AIG1: variants seen among roughly 807,000 people sequenced by gnomAD.
AIG1 encodes androgen-induced gene 1 protein.
Under a neutral mutation model 31.4 loss-of-function variants are expected in AIG1, and 23 were observed. That is an observed-to-expected ratio of 0.73 (90% CI 0.53 to 1.04). The LOEUF (loss-of-function observed/expected upper bound fraction) is 1.04. Ranked by LOEUF, AIG1 falls within the 50% of genes least tolerant of loss-of-function variation. The pLI is 0.00. For missense variants in AIG1, 274 were observed against 295.0 expected, an observed-to-expected ratio of 0.93 and a Z score of 0.52; for synonymous variants, 100 against 110.5, an observed-to-expected ratio of 0.90 and a Z score of 0.60.
At chr6:143,199,616 C>T (rs1466900077) in intron 3 of AIG1, among the ~76,000 whole-genome samples, 1 of 152,086 alleles carries the variant, frequency 6.6e-6, no homozygotes, top group African/African-American at 2.4e-5. Flanking sequence ...ATTATTTATT[C>T]TGCATGCATA....
intron 3 of AIG1, among the ~76,000 whole-genome samples, chr6:143,196,844 GAAAA>G (rs574672085): frequency 1.3e-5 from 2 of 150,450 alleles, no homozygotes; most frequent in Non-Finnish European, 3.0e-5. Context: ...ATAAAAAAAA[GAAAA>G]AAAAACTCTT....
At chr6:143,270,525 T>C (rs1796443067) in intron 3 of AIG1, among the ~76,000 whole-genome samples, 1 of 152,254 alleles carries the variant, frequency 6.6e-6, no homozygotes, top group Admixed American at 6.5e-5. Context: ...GAAAAGGTTT[T>C]GAGCTGTGAG....
At chr6:143,133,458 G>A (rs1409024241) in intron 1 of AIG1, among the ~76,000 whole-genome samples, 1 of 152,096 alleles carries the variant, frequency 6.6e-6, no homozygotes, top group Non-Finnish European at 1.5e-5. Context: ...CTTCTAAAAT[G>A]ACCCCCAAAG....
intron 4 of AIG1, among the ~76,000 whole-genome samples, chr6:143,323,663 C>T (rs557713558): frequency 3.3e-5 from 5 of 152,064 alleles, no homozygotes; most frequent in Non-Finnish European, 5.9e-5. Context: ...GTCCTTTGTC[C>T]TATTCCTGGG....
At chr6:143,091,574 G>A (rs537679636) in intron 1 of AIG1, among the ~76,000 whole-genome samples, 6 of 152,322 alleles carry the variant, frequency 3.9e-5, no homozygotes, top group African/African-American at 1.4e-4. Context: ...ATCTTTGAAA[G>A]CACTAGTCTA....
intron 4 of AIG1, among the ~76,000 whole-genome samples, chr6:143,304,890 G>T (rs561478159): frequency 6.6e-6 from 1 of 152,236 alleles, no homozygotes; most frequent in Admixed American, 6.5e-5. Context: ...GTTGATTATT[G>T]CCACAATTTC....
chr6:143,178,380 G>C (rs1030877038), intron 3 of AIG1, among the ~76,000 whole-genome samples: 2 of 152,284 alleles, frequency 1.3e-5, no homozygotes, highest in African/African-American at 2.4e-5. Flanking sequence ...GTGTCCTGCG[G>C]GCATGGGACC....
At chr6:143,091,558 GTCTC>G (rs1263422822) in intron 1 of AIG1, among the ~76,000 whole-genome samples, 1 of 152,172 alleles carries the variant, frequency 6.6e-6, no homozygotes, top group Non-Finnish European at 1.5e-5. Flanking sequence ...AAAAAGCTGT[GTCTC>G]TATCTTTGAA....
intron 3 of AIG1, among the ~76,000 whole-genome samples, chr6:143,214,568 C>A (rs370829253): frequency 4.6e-5 from 7 of 152,286 alleles, no homozygotes; most frequent in African/African-American, 1.7e-4. Flanking sequence ...TCTCCCTTGT[C>A]TTCCTGCCTT....
chr6:143,112,662 G>GTGAGT (rs1176804659), intron 1 of AIG1, among the ~76,000 whole-genome samples: 1 of 152,198 alleles, frequency 6.6e-6, no homozygotes, highest in Non-Finnish European at 1.5e-5. Flanking sequence ...CTGGGTCTGA[G>GTGAGT]TGAGTTCTAT....
At chr6:143,071,960 A>G (rs554574573) in intron 1 of AIG1, among the ~76,000 whole-genome samples, 1 of 148,632 alleles carries the variant, frequency 6.7e-6, no homozygotes, top group Non-Finnish European at 1.5e-5. Context: ...GTTTTTTTTT[A>G]AATTTTTTTT....
At chr6:143,227,009 T>C (rs1003805797) in intron 3 of AIG1, among the ~76,000 whole-genome samples, 2 of 143,264 alleles carry the variant, frequency 1.4e-5, no homozygotes, top group Non-Finnish European at 3.1e-5. Flanking sequence ...TTTTTTTTAG[T>C]TCATCAGCTA....
At chr6:143,138,493 T>A (rs1049971013) in intron 2 of AIG1, among the ~76,000 whole-genome samples, 3 of 152,182 alleles carry the variant, frequency 2.0e-5, no homozygotes, top group Non-Finnish European at 4.4e-5. Flanking sequence ...ATTATATATA[T>A]CATGTATACA....
At chr6:143,216,305 A>G (rs941734051) in intron 3 of AIG1, among the ~76,000 whole-genome samples, 3 of 152,144 alleles carry the variant, frequency 2.0e-5, no homozygotes, top group South Asian at 4.1e-4. Context: ...TCTCAGTTCC[A>G]TTATGTTCAG....
intron 3 of AIG1, among the ~76,000 whole-genome samples, chr6:143,259,212 C>T (rs1795569788): frequency 6.6e-6 from 1 of 152,148 alleles, no homozygotes; most frequent in Admixed American, 6.6e-5. Context: ...CCAAATAAAC[C>T]TCTTTTCTTT....
chr6:143,280,846 C>A lies in AIG1; in HGVS notation c.400-3264C>A, dbSNP rs1797297307. 1.3e-5 allele frequency among the ~76,000 whole-genome samples: 2 copies of A among 152,056 alleles called. 1 individual carries two copies. The highest frequency in any genetic ancestry group is 4.1e-4 in the South Asian group (2 of 4,828). On this transcript the variant is annotated intron_variant, in intron 3 of 5. Coordinates refer to ENST00000357847, the MANE Select transcript of AIG1 (RefSeq NM_016108.4). This position sits in a 1 kb window ranked among gnomAD's most constrained non-coding sequence, Gnocchi z 4.1. ...GACGTGTGTTTACCTATGTAACAAA[C>A]CTTCACGTGTATCCCCAAATCTAAA... is the stretch of plus-strand genomic sequence containing the variant.
rs963451033 is a variant in AIG1 at position 143,161,464 on chromosome 6, T to C, written c.298-3618T>C. On this transcript the variant is annotated intron_variant, in intron 2 of 5. Coordinates refer to ENST00000357847, the MANE Select transcript of AIG1 (RefSeq NM_016108.4). ...ATAGATCAGAAATCAGTATACTTCA[T>C]GAATAGAGATGAAAAGAAAATTCTT... 6.4e-4 allele frequency among the ~76,000 whole-genome samples: 97 copies of C among 151,972 alleles called. 1 individual carries two copies. Among genetic ancestry groups the C allele is most frequent in the African/African-American group, 2.3e-3 (96 of 41,494 alleles).
At chr6:143,335,818 A>G (rs1178957641) in intron 5 of AIG1, among the ~76,000 whole-genome samples, 2 of 151,714 alleles carry the variant, frequency 1.3e-5, no homozygotes, top group Non-Finnish European at 2.9e-5. Context: ...AGCCGGGCGT[A>G]CATGCCTGTA....
upstream of AIG1, chr6:143,060,600 G>T (rs557886662): frequency 2.2e-6 from 1 of 447,176 alleles, no homozygotes; most frequent in Non-Finnish European, 4.7e-6. Context: ...CCTAGGGGGC[G>T]CCTCCTGGCC....
Sources: allele counts gnomAD v4.1 joint callset (sites outside exome capture counted in the v4.1 genomes callset), GRCh38; gene constraint gnomAD v4.1.1; non-coding constraint Gnocchi (gnomAD v3.1); transcripts MANE v1.5; gene names NCBI Gene and HGNC (gene_info 2026-07-23, HGNC 2026-07-21).